MAST2: variants seen among roughly 807,000 people sequenced by gnomAD.
The protein encoded by MAST2 is microtubule-associated serine/threonine-protein kinase 2.
Under a neutral mutation model 147.4 loss-of-function variants are expected in MAST2, and 70 were observed. That is an observed-to-expected ratio of 0.47 (90% CI 0.39 to 0.58). MAST2 has a LOEUF of 0.58. MAST2 is among the 20% of genes least tolerant of loss of function. The pLI is 0.00. For missense variants in MAST2, 2,080 were observed against 2,302.3 expected (o/e 0.90, Z 1.98); for synonymous variants, 869 against 896.8 (o/e 0.97, Z 0.55).
intron 1 of MAST2, among the ~76,000 whole-genome samples, chr1:45,805,784 C>T (rs1644124733): frequency 6.6e-6 from 1 of 152,250 alleles, no homozygotes. Context: ...TTGCCTTAGA[C>T]CCTTGTTACT....
Position 45,959,379 on chromosome 1 carries a change from A to G in MAST2, c.501-7A>G. 6.2e-7 allele frequency: 1 copy of G among 1,611,990 alleles called. No individual in the cohort carries two copies. The highest frequency in any genetic ancestry group is 8.5e-7 in the Non-Finnish European group (1 of 1,178,294). ...CTATTATAATTCATATTTTGTTTTC[A>G]TTGCAGTTGTCGGACAAGTAACCGC... On this transcript the variant is annotated splice_polypyrimidine_tract_variant and splice_region_variant and intron_variant, in intron 4 of 28. Coordinates refer to ENST00000361297, the MANE Select transcript of MAST2 (RefSeq NM_015112.3).
chr1:45,860,701 G>A (rs867454836), intron 3 of MAST2, among the ~76,000 whole-genome samples: 2 of 151,534 alleles, frequency 1.3e-5, no homozygotes, highest in African/African-American at 2.4e-5. Context: ...GCGTAGTGGC[G>A]GGTGCCTGTA....
At chr1:45,961,879 G>A (rs975734227) in intron 5 of MAST2, among the ~76,000 whole-genome samples, 4 of 151,836 alleles carry the variant, frequency 2.6e-5, no homozygotes, top group African/African-American at 4.8e-5. Flanking sequence ...CCATTAACTC[G>A]TCATTTACAT....
intron 2 of MAST2, among the ~76,000 whole-genome samples, chr1:45,825,428 G>A (rs1027417724): frequency 2.0e-5 from 3 of 151,032 alleles, no homozygotes; most frequent in African/African-American, 4.9e-5. Context: ...AAAAGGATGC[G>A]ATTATCTTCT....
intron 4 of MAST2, among the ~76,000 whole-genome samples, chr1:45,906,637 TA>T (rs1486155884): frequency 6.8e-6 from 1 of 147,688 alleles, no homozygotes; most frequent in African/African-American, 2.5e-5. Flanking sequence ...TGTTATTTTA[TA>T]TGATACAATT....
chr1:45,846,897 A>C, intron 3 of MAST2: 1 of 196,522 alleles, frequency 5.1e-6, no homozygotes. Context: ...GAGAATGTCA[A>C]CATCAAATTC....
rs1454475063 is a variant in MAST2 at position 46,030,340 on chromosome 1, G to A, written c.2553+102G>A. ...GGGGCAGGCTCAGGGAGTTGGGGTT[G>A]GGGCCACCTCTAGAAAAAGAGGAGC... On this transcript the variant is annotated intron_variant, in intron 21 of 28. Coordinates refer to ENST00000361297, the MANE Select transcript of MAST2 (RefSeq NM_015112.3). The A allele has an allele frequency of 3.4e-6, 4 of 1,165,786 alleles. No homozygotes were observed. The African/African-American group carries it at 4.6e-5, about 13-fold the overall frequency. The allele number at this position is 1,165,786 out of a possible 1,614,324, so 72.2% of individuals were successfully genotyped here.
In MAST2 at chr1:45,942,556, G is replaced by T. The variant is rs150474442; in HGVS notation, c.501-16830G>T. ...TTTTAGGTTTGGGGTACATATGCAG[G>T]TTTGTTATATAGGTAAATTGCATGT... On this transcript the variant is annotated intron_variant, in intron 4 of 28. Transcript: ENST00000361297. 3.3e-3 allele frequency among the ~76,000 whole-genome samples: 496 copies of T among 152,172 alleles called. 1 individual carries two copies. Among genetic ancestry groups the T allele is most frequent in the African/African-American group, 0.011 (470 of 41,528 alleles).
At chr1:46,029,351 G>A (rs1646543069) in intron 18 of MAST2, 115 bp from the exon 19 acceptor site, 1 of 751,560 alleles carries the variant, frequency 1.3e-6, no homozygotes, top group African/African-American at 1.7e-5. Flanking sequence ...GGCTTTCAGG[G>A]GCTCCAGGCT....
chr1:45,895,352 G>A (rs1457910713), intron 4 of MAST2, among the ~76,000 whole-genome samples: 2 of 151,956 alleles, frequency 1.3e-5, no homozygotes, highest in African/African-American at 4.8e-5. Context: ...GTACATACCC[G>A]GGATTGGTCA....
chr1:45,824,260 A>G (rs1427652504), intron 1 of MAST2, among the ~76,000 whole-genome samples, 173 bp from the exon 2 acceptor site: 1 of 152,210 alleles, frequency 6.6e-6, no homozygotes, highest in African/African-American at 2.4e-5. Flanking sequence ...TGTCCTTTAC[A>G]GCATACCTAG....
At chr1:45,947,866 G>A (rs532952194) in intron 4 of MAST2, among the ~76,000 whole-genome samples, 50 of 152,146 alleles carry the variant, frequency 3.3e-4, no homozygotes, top group Non-Finnish European at 2.9e-4. Flanking sequence ...ACAGTTGCCC[G>A]CCACCACACC....
At chr1:45,811,451 G>A (rs1644296375) in intron 1 of MAST2, among the ~76,000 whole-genome samples, 1 of 148,180 alleles carries the variant, frequency 6.7e-6, no homozygotes, top group African/African-American at 2.5e-5. Context: ...CCATTCTCTT[G>A]CCTCAGCCTC....
At chr1:46,028,677 TCTG>T (rs1646512908) in intron 17 of MAST2, 88 bp from the exon 18 acceptor site, 1 of 1,359,070 alleles carries the variant, frequency 7.4e-7, no homozygotes, top group Admixed American at 1.9e-5. Flanking sequence ...CAGAGATTCT[TCTG>T]CTCGAGATGG....
intron 3 of MAST2, among the ~76,000 whole-genome samples, chr1:45,872,545 A>T (rs7540325): frequency 0.45 from 67,132 of 150,752 alleles, 15,127 homozygotes; most frequent in East Asian, 0.62. Flanking sequence ...CAATGGGGCA[A>T]TCTCGGCTCA....
intron 4 of MAST2, chr1:45,913,920 G>GA: frequency 8.5e-7 from 1 of 1,173,042 alleles, no homozygotes; most frequent in South Asian, 1.6e-5. Flanking sequence ...GCAGATGTCA[G>GA]GAAAAAAAAC....
At chr1:45,894,629 G>A (rs1648426283) in intron 4 of MAST2, among the ~76,000 whole-genome samples, 1 of 152,146 alleles carries the variant, frequency 6.6e-6, no homozygotes, top group African/African-American at 2.4e-5. Context: ...CACCAAAACT[G>A]AATAAATTAT....
intron 1 of MAST2, among the ~76,000 whole-genome samples, chr1:45,809,459 A>G (rs1330994824): frequency 6.6e-6 from 1 of 152,130 alleles, no homozygotes; most frequent in East Asian, 1.9e-4. Flanking sequence ...ACTGAGCAAC[A>G]TGGTGAAACC....
intron 17 of MAST2, 152 bp from the exon 18 acceptor site, chr1:46,028,616 T>C: frequency 1.3e-6 from 1 of 745,608 alleles, no homozygotes. Context: ...TCTTGTTCCC[T>C]GGGGCTTCTG....
Sources: allele counts gnomAD v4.1 joint callset (sites outside exome capture counted in the v4.1 genomes callset), GRCh38; gene constraint gnomAD v4.1.1; transcripts MANE v1.5; gene names NCBI Gene and HGNC (gene_info 2026-07-23, HGNC 2026-07-21).